UNC13B: variants seen among roughly 807,000 people sequenced by gnomAD.
The protein encoded by UNC13B is unc-13 homolog B.
UNC13B carries 144 observed loss-of-function variants against 211.0 expected under a neutral mutation model. That is an observed-to-expected ratio of 0.68 (90% confidence interval 0.60 to 0.78). The LOEUF (loss-of-function observed/expected upper bound fraction) is 0.78, where lower values mean the gene tolerates loss of function less well. Among genes scored for constraint, UNC13B ranks in the 30% least tolerant of loss-of-function variants. The pLI is 0.00. For synonymous variants in UNC13B, 709 were observed against 725.8 expected (o/e 0.98, Z 0.37); for missense variants, 1,777 against 2,002.0 (o/e 0.89, Z 2.14).
chr9:35,204,947 C>T (rs1823554890), intron 1 of UNC13B, among the ~76,000 whole-genome samples: 1 of 152,102 alleles, frequency 6.6e-6, no homozygotes, highest in African/African-American at 2.4e-5. Flanking sequence ...CTCTGTGCCT[C>T]CCACAAATCT....
chr9:35,220,963 G>C (rs998177396), intron 1 of UNC13B, among the ~76,000 whole-genome samples: 1 of 152,156 alleles, frequency 6.6e-6, no homozygotes, highest in African/African-American at 2.4e-5. Flanking sequence ...ACTGGGGTGA[G>C]ATGATACCTC....
chr9:35,291,139 G>C, intron 7 of UNC13B: 3 of 1,546,130 alleles, frequency 1.9e-6, no homozygotes, highest in Non-Finnish European at 2.6e-6. Context: ...TCATTTTCTT[G>C]ATCTTACCCA....
In UNC13B at chr9:35,303,851, A is replaced by G; in HGVS notation, c.4447A>G (p.Lys1483Glu). The G allele has an allele frequency of 2.5e-6, 1 of 398,816 alleles. No individual in the cohort carries two copies. Among genetic ancestry groups the G allele is most frequent in the Non-Finnish European group, 4.4e-6 (1 of 225,856 alleles). The allele number at this position is 398,816 out of a possible 1,614,324, so 24.7% of individuals were successfully genotyped here. Residue 1483 changes from lysine (K) to glutamate (E), a missense_variant, in exon 9 of 40, where the codon AAG becomes GAG. By Grantham distance (56) the Lys-to-Glu change is moderately conservative. Coordinates refer to ENST00000635942, the MANE Select transcript of UNC13B (RefSeq NM_001371189.2). ...CTTAAGTTCTTCATCAGATCATGAA[A>G]AGACTACATGCCCCGTAGTTGATCA... ...IDLSSSSDHEKTTCPVVDQES... is the reference protein window; with the variant it reads ...IDLSSSSDHEETTCPVVDQES...
chr9:35,397,193 C>T lies in UNC13B; in HGVS notation c.11559C>T (p.Leu3853=), dbSNP rs865915096. 3 of 1,614,180 alleles carry T rather than the reference C, an allele frequency of 1.9e-6. No homozygotes were observed. The highest frequency in any genetic ancestry group is 3.3e-4 in the Middle Eastern group (2 of 6,046). ...TCCAGCAGACATCAGAGCATGCACTCTTTTCCTGCTCTGTGGTGGATGTCT... is the reference window on the plus strand; with the variant it reads ...TCCAGCAGACATCAGAGCATGCACTTTTTTCCTGCTCTGTGGTGGATGTCT... ...DGFQQTSEHA[L]FSCSVVDVFT... Residue 3853 remains leucine (L), a synonymous_variant, in exon 29 of 40, where the codon CTC becomes CTT. Transcript: ENST00000635942.
intron 7 of UNC13B, chr9:35,291,074 T>C: frequency 6.4e-7 from 1 of 1,550,410 alleles, no homozygotes; most frequent in Non-Finnish European, 8.7e-7. Context: ...CTTAGGTCAC[T>C]GGACCTATTT....
chr9:35,260,004 C>A (rs1004073922), intron 7 of UNC13B, among the ~76,000 whole-genome samples: 2 of 116,638 alleles, frequency 1.7e-5, no homozygotes, highest in Non-Finnish European at 3.3e-5. Context: ...GAGTCTGAGA[C>A]CAGTTTGGGC....
At chr9:35,241,518 T>C (rs897373236) in intron 5 of UNC13B, among the ~76,000 whole-genome samples, 3 of 151,792 alleles carry the variant, frequency 2.0e-5, no homozygotes, top group African/African-American at 7.3e-5. Flanking sequence ...CTATTAATAC[T>C]TTCTTGTGTA....
intron 1 of UNC13B, among the ~76,000 whole-genome samples, chr9:35,198,677 C>G (rs1023369186): frequency 6.6e-6 from 1 of 152,036 alleles, no homozygotes; most frequent in Non-Finnish European, 1.5e-5. Flanking sequence ...ATTGGACTGT[C>G]TTAGAGACTT....
intron 1 of UNC13B, among the ~76,000 whole-genome samples, chr9:35,167,754 A>ATTTTTTTTTTTTTT (rs765603183): frequency 1.7e-5 from 2 of 115,684 alleles, no homozygotes; most frequent in African/African-American, 3.3e-5. Context: ...TGCCTGGCTA[A>ATTTTTTTTTTTTTT]TTTTTTTTTT....
chr9:35,295,833 T>C lies in UNC13B; in HGVS notation c.664T>C (p.Ser222Pro), dbSNP rs1419131624. ...SVHQFPVPVR[S>P]PQQLLLQGSS... is the part of the protein sequence containing the mutation. ...GCACCAGTTCCCTGTGCCGGTGCGA[T>C]CGCCACAGCAGCTGCTACTTCAAGG... Residue 222 changes from serine (S) to proline (P), a missense_variant, in exon 8 of 40, where the codon TCG becomes CCG. Transcript: ENST00000635942. The C allele has an allele frequency of 2.5e-6, 4 of 1,614,156 alleles. No individual in the cohort carries two copies. The highest frequency in any genetic ancestry group is 3.3e-5 in the Admixed American group (2 of 60,006).
At chr9:35,394,466 C>T (rs1364784219) in intron 26 of UNC13B, among the ~76,000 whole-genome samples, 1 of 152,242 alleles carries the variant, frequency 6.6e-6, no homozygotes, top group Non-Finnish European at 1.5e-5. Flanking sequence ...TGTGCTGGCA[C>T]ATGTCTGTAA....
intron 36 of UNC13B, 65 bp from the exon 37 acceptor site, chr9:35,400,231 A>G: frequency 1.3e-6 from 2 of 1,583,562 alleles, no homozygotes; most frequent in Non-Finnish European, 1.7e-6. Flanking sequence ...TTCTCTGAGG[A>G]CAATGTTGGG....
At chr9:35,341,128 A>G (rs938135837) in intron 11 of UNC13B, among the ~76,000 whole-genome samples, 1 of 152,322 alleles carries the variant, frequency 6.6e-6, no homozygotes, top group South Asian at 2.1e-4. Context: ...CTTTTTGGTC[A>G]TGGTGATATC....
intron 6 of UNC13B, 94 bp from the exon 7 acceptor site, chr9:35,258,899 T>C: frequency 7.5e-7 from 1 of 1,336,014 alleles, no homozygotes; most frequent in Non-Finnish European, 1.0e-6. Flanking sequence ...TTCCAAACAC[T>C]AAACCTTTTT....
rs922556146 is a variant in UNC13B at position 35,307,546 on chromosome 9, G to A, written c.8142G>A (p.Gln2714=). ...TGTTCAATGATGCAAGTGTGAGCCAGAGCACCACTCTGGAAACCGAAGGGC... is the reference window on the plus strand; with the variant it reads ...TGTTCAATGATGCAAGTGTGAGCCAAAGCACCACTCTGGAAACCGAAGGGC... The part of the protein sequence containing the change: ...TMLFNDASVS[Q]STTLETEGHF... Residue 2714 remains glutamine, a synonymous_variant, in exon 9 of 40, where the codon CAG becomes CAA. Coordinates refer to ENST00000635942, the MANE Select transcript of UNC13B (RefSeq NM_001371189.2). The A allele has an allele frequency of 9.3e-5, 37 of 398,908 alleles. No individual in the cohort carries two copies. The highest frequency in any genetic ancestry group is 6.4e-4 in the African/African-American group (31 of 48,602). 24.7% of individuals were successfully genotyped at this position (398,908 alleles called of 1,614,324 possible).
rs1172393946 is a variant in UNC13B, at chr9:35,321,520, C to T, written c.9414+7531C>T. ...GCATGAGCCCTCATACCTGGCTCCT[C>T]TTGTTACTATTATGAATAACGCTGT... On this transcript the variant is annotated intron_variant, in intron 11 of 39. Transcript: ENST00000635942. Among the ~76,000 whole-genome samples, 5 of 152,272 alleles carry T rather than the reference C, an allele frequency of 3.3e-5. No homozygotes were observed. The East Asian group carries it at 5.8e-4, about 18-fold the overall frequency.
chr9:35,242,710 C>T (rs1455782367), intron 5 of UNC13B, among the ~76,000 whole-genome samples: 1 of 152,142 alleles, frequency 6.6e-6, no homozygotes, highest in African/African-American at 2.4e-5. Flanking sequence ...TGGGTTGCTT[C>T]AACTCTTGGC....
intron 1 of UNC13B, among the ~76,000 whole-genome samples, chr9:35,204,361 C>G (rs1324604872): frequency 1.3e-5 from 2 of 152,218 alleles, no homozygotes; most frequent in Non-Finnish European, 1.5e-5. Flanking sequence ...AGAGTCCACA[C>G]TGGGGCACTG....
intron 11 of UNC13B, among the ~76,000 whole-genome samples, chr9:35,316,296 A>T (rs372567285): frequency 9.2e-5 from 14 of 152,258 alleles, no homozygotes; most frequent in African/African-American, 3.1e-4. Context: ...TCAATATTGC[A>T]TTATGACTCT....
Sources: allele counts gnomAD v4.1 joint callset (sites outside exome capture counted in the v4.1 genomes callset), GRCh38; gene constraint gnomAD v4.1.1; transcripts MANE v1.5; gene names NCBI Gene and HGNC (gene_info 2026-07-23, HGNC 2026-07-21).